The following ASTN2 variants were observed in gnomAD, a reference collection of about 807,000 sequenced individuals.
The protein encoded by ASTN2 is astrotactin 2, also known as astrotactin-2.
A neutral mutation model predicts 139.8 loss-of-function variants in ASTN2; 54 were observed. That is an observed-to-expected ratio of 0.39 (90% CI 0.31 to 0.48). The LOEUF (loss-of-function observed/expected upper bound fraction) is 0.48, where lower values mean the gene tolerates loss of function less well. ASTN2 is among the 20% of genes least tolerant of loss of function. ASTN2 has a pLI of 0.95. For synonymous variants in ASTN2, 756 were observed against 719.5 expected, an observed-to-expected ratio of 1.05 and a Z score of -0.81; for missense variants, 1,565 against 1,725.1, an observed-to-expected ratio of 0.91 and a Z score of 1.64.
chr9:116,591,634 A>G (rs2131733436), intron 19 of ASTN2, among the ~76,000 whole-genome samples: 1 of 152,388 alleles, frequency 6.6e-6, no homozygotes, highest in South Asian at 2.1e-4. Context: ...GCTAGAAAAA[A>G]ACAGAATGCA....
At chr9:117,230,539 C>G (rs1440833571) in intron 2 of ASTN2, among the ~76,000 whole-genome samples, 1 of 152,142 alleles carries the variant, frequency 6.6e-6, no homozygotes, top group Admixed American at 6.5e-5. Context: ...TACCTTATTT[C>G]CAAAGAAGAT....
At chr9:116,708,286 T>C (rs1357942057) in intron 16 of ASTN2, among the ~76,000 whole-genome samples, 3 of 152,202 alleles carry the variant, frequency 2.0e-5, no homozygotes, top group Non-Finnish European at 4.4e-5. Flanking sequence ...ATGCTGAAGT[T>C]CTATCCAATA....
At chr9:116,937,082 T>C (rs949274925) in intron 10 of ASTN2, among the ~76,000 whole-genome samples, 2 of 152,214 alleles carry the variant, frequency 1.3e-5, no homozygotes, top group Non-Finnish European at 2.9e-5. Flanking sequence ...CAGCCAATGC[T>C]AGGACAACAA....
intron 19 of ASTN2, among the ~76,000 whole-genome samples, chr9:116,498,386 A>G (rs1849737809): frequency 6.6e-6 from 1 of 152,052 alleles, no homozygotes; most frequent in Non-Finnish European, 1.5e-5. Flanking sequence ...GGAGGTCAAG[A>G]TCAGCTTGGA....
intron 10 of ASTN2, among the ~76,000 whole-genome samples, chr9:116,944,681 C>CA (rs34943919): frequency 0.32 from 16,870 of 53,152 alleles, 2,986 homozygotes; most frequent in Non-Finnish European, 0.35. Context: ...GACTCTGTCT[C>CA]AAAAAAAAAA....
At chr9:117,335,273 C>T (rs569824517) in intron 1 of ASTN2, among the ~76,000 whole-genome samples, 1 of 152,290 alleles carries the variant, frequency 6.6e-6, no homozygotes, top group South Asian at 2.1e-4. Context: ...GAACATAGTA[C>T]ACATGAATAA....
chr9:117,100,477 TCATGTTAA>T, intron 4 of ASTN2, among the ~76,000 whole-genome samples: 1 of 152,344 alleles, frequency 6.6e-6, no homozygotes, highest in East Asian at 1.9e-4. Flanking sequence ...TAAAATATTA[TCATGTTAA>T]CATGAAATTA....
chr9:116,708,857 T>G (rs1222550688), intron 16 of ASTN2, among the ~76,000 whole-genome samples: 1 of 152,230 alleles, frequency 6.6e-6, no homozygotes, highest in Non-Finnish European at 1.5e-5. Context: ...AGCTCACTTA[T>G]GAATTATAAT....
At chr9:116,756,325 G>A (rs1455454013) in intron 13 of ASTN2, among the ~76,000 whole-genome samples, 1 of 152,128 alleles carries the variant, frequency 6.6e-6, no homozygotes, top group South Asian at 2.1e-4. Flanking sequence ...GCCTATTATA[G>A]AACCTATCTA....
rs60618068 is a variant in ASTN2 at position 116,502,682 on chromosome 9, A to AGAAG, written c.3356-15186_3356-15183dup. Among the ~76,000 whole-genome samples, 688 of 96,408 alleles carry AGAAG rather than the reference A, an allele frequency of 7.1e-3. 22 individuals carry two copies. The highest frequency in any genetic ancestry group is 0.017 in the African/African-American group (431 of 25,340). 63.2% of individuals were successfully genotyped at this position (96,408 alleles called of 152,430 possible). On this transcript the variant is annotated intron_variant, in intron 19 of 22. Transcript: ENST00000313400. ...AAGAAAAACAGAAGGAAGAAAGGAA[A>AGAAG]GAAGGAAGGAAGGAAGGAAGGAAGG...
chr9:116,521,818 A>AAACC (rs1479075463), intron 19 of ASTN2, among the ~76,000 whole-genome samples: 2 of 151,542 alleles, frequency 1.3e-5, no homozygotes, highest in Non-Finnish European at 2.9e-5. Flanking sequence ...AAAAACAAAC[A>AAACC]AACAAACAAA....
intron 13 of ASTN2, among the ~76,000 whole-genome samples, chr9:116,783,170 T>C (rs1050405876): frequency 7.9e-5 from 12 of 152,120 alleles, no homozygotes; most frequent in Admixed American, 7.9e-4. Flanking sequence ...TGGTTAAAAT[T>C]TTAGTCAGTG....
intron 5 of ASTN2, among the ~76,000 whole-genome samples, chr9:117,045,563 T>C (rs1333269908): frequency 1.3e-5 from 2 of 152,164 alleles, no homozygotes; most frequent in African/African-American, 4.8e-5. Flanking sequence ...GCTTAAGAAA[T>C]TCGACCGGAA....
intron 13 of ASTN2, among the ~76,000 whole-genome samples, chr9:116,801,585 C>CAAAAAAAAAAAAAAAAAAAAAAAAAAAA (rs397893932): frequency 1.2e-4 from 7 of 60,364 alleles, no homozygotes; most frequent in Non-Finnish European, 1.5e-4. Flanking sequence ...GGCTCTGTCT[C>CAAAAAAAAAAAAAAAAAAAAAAAAAAAA]AAAAAAAAAA....
intron 2 of ASTN2, among the ~76,000 whole-genome samples, chr9:117,284,340 G>A (rs1017628630): frequency 6.6e-6 from 1 of 152,182 alleles, no homozygotes; most frequent in Non-Finnish European, 1.5e-5. Flanking sequence ...CCTGAGCTCA[G>A]GTGATACACC....
At chr9:117,251,325 T>TA (rs142664059) in intron 2 of ASTN2, among the ~76,000 whole-genome samples, 3,777 of 151,922 alleles carry the variant, frequency 0.025, 168 homozygotes, top group African/African-American at 0.087. Flanking sequence ...CGACACCCTT[T>TA]AAAAAAATAG....
chr9:116,885,292 C>T (rs1351262376), intron 10 of ASTN2, among the ~76,000 whole-genome samples: 1 of 152,118 alleles, frequency 6.6e-6, no homozygotes, highest in Admixed American at 6.5e-5. Flanking sequence ...TTGATCATTC[C>T]ACATCCTTTA....
At chr9:116,565,427 A>ATATATTTATTTATT (rs1554714243) in intron 19 of ASTN2, among the ~76,000 whole-genome samples, 6 of 74,004 alleles carry the variant, frequency 8.1e-5, no homozygotes, top group Non-Finnish European at 7.7e-5. Flanking sequence ...ATATATATAT[A>ATATATTTATTTATT]TATTTATTTA....
At chr9:116,776,227 A>G (rs1830086075) in intron 13 of ASTN2, among the ~76,000 whole-genome samples, 1 of 152,178 alleles carries the variant, frequency 6.6e-6, no homozygotes, top group African/African-American at 2.4e-5. Context: ...TGCTTTCTAG[A>G]TATATTCCCT....
Sources: allele counts gnomAD v4.1 joint callset (sites outside exome capture counted in the v4.1 genomes callset), GRCh38; gene constraint gnomAD v4.1.1; transcripts MANE v1.5; gene names NCBI Gene and HGNC (gene_info 2026-07-23, HGNC 2026-07-21).